DNAH17: variants seen among roughly 807,000 people sequenced by gnomAD.
DNAH17 encodes axonemal beta dynein heavy chain 17.
DNAH17 carries 376 observed loss-of-function variants against 485.6 expected under a neutral mutation model. The observed-to-expected ratio is 0.77, with a 90% CI of 0.71 to 0.84. DNAH17 has a LOEUF of 0.84. DNAH17 is among the 40% of genes least tolerant of loss of function. The pLI is 0.00. For synonymous variants in DNAH17, 3,031 were observed against 2,405.9 expected, an observed-to-expected ratio of 1.26 and a Z score of -7.60; for missense variants, 6,370 against 5,839.3, an observed-to-expected ratio of 1.09 and a Z score of -2.96.
chr17:78,476,945 T>C (rs1298164940), intron 51 of DNAH17, among the ~76,000 whole-genome samples: 1 of 152,116 alleles, frequency 6.6e-6, no homozygotes, highest in African/African-American at 2.4e-5. Flanking sequence ...CTGAGAGATG[T>C]GGAGTTTTCC....
chr17:78,518,249 C>T (rs1337407229), intron 25 of DNAH17, among the ~76,000 whole-genome samples: 4 of 152,120 alleles, frequency 2.6e-5, no homozygotes, highest in Non-Finnish European at 5.9e-5. Flanking sequence ...ATATAAGAAA[C>T]TCAGTTCAAA....
Position 78,486,545 on chromosome 17 carries a change from T to C in DNAH17, c.6819-39A>G, listed in dbSNP as rs1208618040. 3.2e-6 allele frequency: 5 copies of C among 1,565,740 alleles called. No individual in the cohort carries two copies. In the East Asian group the frequency reaches 1.1e-4, roughly 35 times the overall value. Reference sequence around the variant, plus strand: ...GAGGCGCCGATGACACAGCCGCTGCTCTGGGTCTGCCAGTGTCCCTGCCTT... The same window carrying C: ...GAGGCGCCGATGACACAGCCGCTGCCCTGGGTCTGCCAGTGTCCCTGCCTT... On this transcript the variant is annotated intron_variant, in intron 44 of 80. Coordinates refer to ENST00000389840, the MANE Select transcript of DNAH17 (RefSeq NM_173628.4).
intron 7 of DNAH17, among the ~76,000 whole-genome samples, chr17:78,569,754 G>C (rs1209086635): frequency 1.3e-5 from 2 of 152,224 alleles, no homozygotes; most frequent in African/African-American, 2.4e-5. Context: ...GGTCGCAGAT[G>C]ATGAGAGGCC....
chr17:78,568,037 C>T (rs141193846), intron 9 of DNAH17, among the ~76,000 whole-genome samples: 3,313 of 152,216 alleles, frequency 0.022, 72 homozygotes, highest in Non-Finnish European at 0.032. Context: ...AACACCACCC[C>T]GAGGAGACAG....
In DNAH17 at chr17:78,574,828, A is replaced by T. The variant is rs761660046; in HGVS notation, c.230T>A (p.Val77Asp). 1.2e-6 allele frequency: 2 copies of T among 1,613,830 alleles called. No individual in the cohort carries two copies. The highest frequency in any genetic ancestry group is 1.7e-5 in the Admixed American group (1 of 60,006). The change falls in exon 2 of 81, where the codon GTT becomes GAT. Residue 77 changes from valine to aspartate, a missense_variant. Transcript: ENST00000389840. ...GFPQSLKSKG[V>D]YFIKTKSENI... ...CTCGGACTTTGTCTTGATGAAGTAAACCCCTTTGGACTTGAGGGACTGGGG... is the reference window on the plus strand; with the variant it reads ...CTCGGACTTTGTCTTGATGAAGTAATCCCCTTTGGACTTGAGGGACTGGGG...
At chr17:78,469,048 CCG>C (rs2088625306) in intron 54 of DNAH17, among the ~76,000 whole-genome samples, 165 bp from the exon 55 acceptor site, 1 of 152,276 alleles carries the variant, frequency 6.6e-6, no homozygotes, top group East Asian at 1.9e-4. Context: ...ACTGCAACCT[CCG>C]TCTCCTGGGT....
chr17:78,558,187 G>A lies in DNAH17; in HGVS notation c.2099C>T (p.Ala700Val), dbSNP rs559643725. ...TTCGTTCTCTGAGAACAGACTCTCC[G>A]CACTGTCTGGAATCTCTTTCTGTTG... ...FQQQKEIPDS[A>V]ESLFSENETF... Residue 700 changes from alanine to valine, a missense_variant, in exon 14 of 81, where the codon GCG (alanine) becomes GTG (valine). Physicochemically the swap from Ala to Val is moderately conservative, Grantham distance 64. Coordinates refer to ENST00000389840, the MANE Select transcript of DNAH17 (RefSeq NM_173628.4). 2.9e-5 allele frequency: 46 copies of A among 1,613,556 alleles called. No individual in the cohort carries two copies. Among genetic ancestry groups the A allele is most frequent in the South Asian group, 1.3e-4 (12 of 90,978 alleles).
intron 2 of DNAH17, among the ~76,000 whole-genome samples, chr17:78,573,727 A>G (rs2143752130): frequency 6.6e-6 from 1 of 152,174 alleles, no homozygotes; most frequent in South Asian, 2.1e-4. Flanking sequence ...CCCAGGGAGA[A>G]GATGTCCATC....
At chr17:78,448,965 G>T (rs1179513996) in intron 69 of DNAH17, among the ~76,000 whole-genome samples, 1 of 152,170 alleles carries the variant, frequency 6.6e-6, no homozygotes, top group African/African-American at 2.4e-5. Flanking sequence ...ATTAAGACAG[G>T]CTGTTTAATC....
rs375911747 is a variant in DNAH17 at position 78,459,213 on chromosome 17, C to G, written c.9654-5G>C. 1.2e-6 allele frequency: 2 copies of G among 1,613,468 alleles called. No individual in the cohort carries two copies. The highest frequency in any genetic ancestry group is 2.2e-5 in the South Asian group (2 of 91,064). On this transcript the variant is annotated splice_region_variant and splice_polypyrimidine_tract_variant and intron_variant, in intron 60 of 80. Coordinates refer to ENST00000389840, the MANE Select transcript of DNAH17 (RefSeq NM_173628.4). ...GTCGGGTTGCCTTGGTAGGGCCTAG[C>G]GAGGGAACCAGAGGGCCGGAGTCGT...
chr17:78,500,816 G>A (rs1233349333), intron 35 of DNAH17: 6 of 223,834 alleles, frequency 2.7e-5, no homozygotes, highest in South Asian at 2.5e-4. Context: ...CATGGGAGAG[G>A]GCAGAAAACC....
chr17:78,498,143 A>G (rs537078955), intron 37 of DNAH17, among the ~76,000 whole-genome samples: 70 of 4,812 alleles, frequency 0.015, no homozygotes, highest in African/African-American at 0.053. Context: ...CTCCGTCTCA[A>G]AAAAACAAAA....
intron 44 of DNAH17, chr17:78,489,721 C>T (rs887307869): frequency 2.7e-5 from 4 of 148,788 alleles, no homozygotes; most frequent in African/African-American, 5.0e-5. Context: ...AGAAAACCAG[C>T]TTTTTTCATC....
At chr17:78,444,555 TCAGGCCTGGGCCTCGGGGGCGGGGCCC>T (rs2087200413) in intron 71 of DNAH17, 22 bp downstream of exon 71, 1 of 1,495,338 alleles carries the variant, frequency 6.7e-7, no homozygotes, top group Non-Finnish European at 8.9e-7. Flanking sequence ...CAAGCTTCCA[TCAGGCCTGGGCCTCGGGGGCGGGGCCC>T]CCGGCGCGGC....
At chr17:78,481,138 A>C (rs1482419610) in intron 48 of DNAH17, among the ~76,000 whole-genome samples, 1 of 121,824 alleles carries the variant, frequency 8.2e-6, no homozygotes, top group Non-Finnish European at 1.6e-5. Context: ...AGTCTCACTC[A>C]GTCACTCAGG....
chr17:78,452,737 C>G (rs1301607621), intron 65 of DNAH17, among the ~76,000 whole-genome samples: 2 of 152,030 alleles, frequency 1.3e-5, no homozygotes, highest in African/African-American at 4.8e-5. Context: ...GACTCCATCT[C>G]AAAAAACAAA....
chr17:78,437,008 G>A (rs1251302435), intron 74 of DNAH17, among the ~76,000 whole-genome samples: 2 of 152,256 alleles, frequency 1.3e-5, no homozygotes, highest in South Asian at 2.1e-4. Context: ...GAGGGTCCTC[G>A]AGCCCCAGGT....
chr17:78,547,243 T>G (rs1330061424), intron 16 of DNAH17, among the ~76,000 whole-genome samples: 1 of 152,228 alleles, frequency 6.6e-6, no homozygotes, highest in Non-Finnish European at 1.5e-5. Context: ...CATCCTGGAA[T>G]AGGTTTCTCA....
At chr17:78,557,735 T>TGCC (rs2092058738) in intron 14 of DNAH17, among the ~76,000 whole-genome samples, 1 of 150,356 alleles carries the variant, frequency 6.7e-6, no homozygotes, top group Non-Finnish European at 1.5e-5. Context: ...CTATCTTTGC[T>TGCC]GCTATTTGCA....
Sources: gnomAD v4.1 joint callset for allele counts (sites outside exome capture counted in the v4.1 genomes callset) on GRCh38, gnomAD v4.1.1 for gene constraint, MANE v1.5 for transcripts, NCBI Gene and HGNC (gene_info 2026-07-23, HGNC 2026-07-21) for gene names.